Variants in XKR3 observed in about 807,000 individuals in gnomAD.
XKR3 encodes XK-related protein 3.
XKR3 carries 27 observed loss-of-function variants against 40.3 expected under a neutral mutation model. That is an observed-to-expected ratio of 0.67 (90% CI 0.49 to 0.92). XKR3 has a LOEUF of 0.92. Among genes scored for constraint, XKR3 ranks in the 40% least tolerant of loss-of-function variants. XKR3 has a pLI of 0.00. For synonymous variants in XKR3, 193 were observed against 195.4 expected, an observed-to-expected ratio of 0.99 and a Z score of 0.10; for missense variants, 472 against 537.6, an observed-to-expected ratio of 0.88 and a Z score of 1.21.
intron 1 of XKR3, among the ~76,000 whole-genome samples, chr22:16,823,320 G>C (rs937157169): frequency 5.9e-5 from 9 of 152,094 alleles, no homozygotes; most frequent in African/African-American, 1.9e-4. Context: ...AAGAGTTCGT[G>C]GTACACAGTG....
intron 3 of XKR3, among the ~76,000 whole-genome samples, chr22:16,795,220 T>A (rs1232932485): frequency 6.6e-6 from 1 of 152,034 alleles, no homozygotes; most frequent in Admixed American, 6.6e-5. Flanking sequence ...TGGTCCACGG[T>A]GCAATAAAAA....
rs1391650393 is a variant in XKR3, at chr22:16,807,784, G to T, written c.290C>A (p.Ala97Asp). 4.3e-6 allele frequency: 7 copies of T among 1,612,280 alleles called. No individual in the cohort carries two copies. Among genetic ancestry groups the T allele is most frequent in the Non-Finnish European group, 5.9e-6 (7 of 1,179,060 alleles). ...FFNKDLRRNK[A>D]ALLFWHILLL... is the part of the protein sequence containing the mutation. ...AAGAATGTGCCAAAAAAGTAATGCA[G>T]CCTTATTTCTCCTCAAGTCTTTGTT... The change falls in exon 2 of 4, where the codon GCT becomes GAT. Residue 97 changes from alanine (A) to aspartate (D), a missense_variant. Ala to Asp is a moderately radical substitution (Grantham distance 126, BLOSUM62 -2). Transcript: ENST00000684488.
intron 3 of XKR3, among the ~76,000 whole-genome samples, chr22:16,798,685 A>G (rs1038464713): frequency 6.6e-6 from 1 of 152,236 alleles, no homozygotes; most frequent in Non-Finnish European, 1.5e-5. Flanking sequence ...CATATAAAAT[A>G]AATAAATCAT....
At position 16,784,105 on chromosome 22, in the gene XKR3, G is replaced by A. The variant is rs1160515930; in HGVS notation, c.894C>T (p.Ser298=). ...GCATCAGTACTGTACCCACCATATT[G>A]GAATTATTTTCTTTGTTGCCAGGAA... ...AHLPGNKENN[S]NMVGTVLMLF... Residue 298 remains serine, a synonymous_variant, in exon 4 of 4, where the codon TCC becomes TCT. Transcript: ENST00000684488. 2 of 1,613,982 alleles carry A rather than the reference G, an allele frequency of 1.2e-6. No individual in the cohort carries two copies. Among genetic ancestry groups the A allele is most frequent in the African/African-American group, 1.3e-5 (1 of 74,904 alleles).
chr22:16,821,671 T>A (rs2060256723), intron 1 of XKR3: 1 of 152,112 alleles, frequency 6.6e-6, no homozygotes, highest in Non-Finnish European at 1.5e-5. Flanking sequence ...CACTGATACG[T>A]TCTGCATCAG....
chr22:16,799,826 T>C lies in XKR3; in HGVS notation c.534A>G (p.Gln178=), dbSNP rs1569038699. Residue 178 remains glutamine (Q), a synonymous_variant, in exon 3 of 4, where the codon CAA becomes CAG. Coordinates refer to ENST00000684488, the MANE Select transcript of XKR3 (RefSeq NM_001386955.1). ...VIQAFLGSVP[Q]LILQMYISLT... is the part of the protein sequence containing the mutation. ...GACTGATATACATCTGCAAAATTAA[T>C]TGTGGAACAGAACCGAGAAAAGCCT... is the stretch of plus-strand genomic sequence containing the variant. 2 of 1,614,160 alleles carry C rather than the reference T, an allele frequency of 1.2e-6. No individual in the cohort carries two copies. The highest frequency in any genetic ancestry group is 8.5e-7 in the Non-Finnish European group (1 of 1,180,006).
At chr22:16,806,603 A>AT (rs1304354258) in intron 2 of XKR3, among the ~76,000 whole-genome samples, 6 of 150,198 alleles carry the variant, frequency 4.0e-5, no homozygotes, top group South Asian at 2.1e-4. Flanking sequence ...ACGCCCGGCT[A>AT]TTTTTTTTGG....
intron 1 of XKR3, among the ~76,000 whole-genome samples, chr22:16,822,129 CA>C (rs1214248377): frequency 6.6e-6 from 1 of 151,912 alleles, no homozygotes; most frequent in African/African-American, 2.4e-5. Context: ...TTTCTTTAAT[CA>C]AATCTTTGAA....
chr22:16,817,897 A>G (rs973922508), intron 1 of XKR3, among the ~76,000 whole-genome samples: 2 of 152,184 alleles, frequency 1.3e-5, no homozygotes, highest in African/African-American at 2.4e-5. Context: ...AAACCTATGA[A>G]AAGCCATTAT....
At chr22:16,822,149 T>C (rs1228530499) in intron 1 of XKR3, among the ~76,000 whole-genome samples, 2 of 152,104 alleles carry the variant, frequency 1.3e-5, no homozygotes, top group Non-Finnish European at 2.9e-5. Context: ...AAAAATGCAA[T>C]TGACTGTTGA....
intron 3 of XKR3, 111 bp from the exon 4 acceptor site, chr22:16,784,520 G>A: frequency 1.0e-6 from 1 of 1,003,882 alleles, no homozygotes; most frequent in Non-Finnish European, 1.4e-6. Flanking sequence ...ACCTCCTTTA[G>A]AAAATCATTT....
chr22:16,822,485 G>A (rs1601854333), intron 1 of XKR3, among the ~76,000 whole-genome samples: 1 of 152,106 alleles, frequency 6.6e-6, no homozygotes, highest in Non-Finnish European at 1.5e-5. Flanking sequence ...CACATTAACT[G>A]TAAATGGCTT....
chr22:16,820,098 G>A (rs1235027096), intron 1 of XKR3, among the ~76,000 whole-genome samples: 1 of 152,118 alleles, frequency 6.6e-6, no homozygotes, highest in Non-Finnish European at 1.5e-5. Context: ...CATGTAAAAT[G>A]GTAGGGTCAG....
chr22:16,792,615 C>T (rs1340054191), intron 3 of XKR3, among the ~76,000 whole-genome samples: 2 of 152,214 alleles, frequency 1.3e-5, no homozygotes, highest in African/African-American at 4.8e-5. Context: ...TGAATGCCCA[C>T]TTGTCAAATA....
chr22:16,784,409 G>A lies in XKR3; in HGVS notation c.590C>T (p.Ala197Val), dbSNP rs755543779. The change falls in exon 4 of 4, where the codon GCA (alanine) becomes GTA (valine). Residue 197 changes from alanine (A) to valine (V), a missense_variant and splice_region_variant. Ala to Val is a moderately conservative substitution (Grantham distance 64, BLOSUM62 0). Transcript: ENST00000684488. ...LTIREWPLNR[A>V]LLMTFSLLSV... ...TAACAGGGAAAATGTCATCAGCAAT[G>A]CTATTAAAGACAAACATGAAAATGT... 5 of 1,582,324 alleles carry A rather than the reference G, an allele frequency of 3.2e-6. No homozygotes were observed. The Admixed American group carries it at 9.5e-5, about 30-fold the overall frequency.
intron 3 of XKR3, among the ~76,000 whole-genome samples, chr22:16,790,246 ATTT>A (rs35747328): frequency 1.2e-4 from 16 of 138,212 alleles, no homozygotes; most frequent in South Asian, 2.3e-4. Context: ...CTGGGCAAGG[ATTT>A]TTTTTTTTTT....
intron 3 of XKR3, 96 bp from the exon 4 acceptor site, chr22:16,784,505 C>T: frequency 9.1e-7 from 1 of 1,097,088 alleles, no homozygotes; most frequent in Admixed American, 3.0e-5. Flanking sequence ...TATTCTTCCT[C>T]ACCCACCTCC....
chr22:16,790,178 A>G (rs115888542), intron 3 of XKR3, among the ~76,000 whole-genome samples: 6,442 of 152,110 alleles, frequency 0.042, 346 homozygotes, highest in African/African-American at 0.12. Context: ...TAAATATGTA[A>G]TGAAAACCCT....
chr22:16,787,017 A>C (rs1294240849), intron 3 of XKR3, among the ~76,000 whole-genome samples: 4 of 152,196 alleles, frequency 2.6e-5, no homozygotes, highest in African/African-American at 9.7e-5. Context: ...CAAACAATTC[A>C]GAAATTTATC....
Sources: gnomAD v4.1 joint callset for allele counts (sites outside exome capture counted in the v4.1 genomes callset) on GRCh38, gnomAD v4.1.1 for gene constraint, MANE v1.5 for transcripts, NCBI Gene and HGNC (gene_info 2026-07-23, HGNC 2026-07-21) for gene names.